DCAF6: variants seen among roughly 807,000 people sequenced by gnomAD.
DCAF6 encodes DDB1 and CUL4 associated factor 6.
DCAF6 carries 54 observed loss-of-function variants against 125.1 expected under a neutral mutation model. The observed-to-expected ratio is 0.43, with a 90% CI of 0.35 to 0.54. DCAF6 has a LOEUF of 0.54. Ranked by LOEUF, DCAF6 falls within the 20% of genes least tolerant of loss-of-function variation. The probability of loss-of-function intolerance (pLI) is 0.01; values close to 1 mark genes in which losing one functional copy is unlikely to be tolerated. For missense variants in DCAF6, 934 were observed against 1,161.7 expected (o/e 0.80, Z 2.85); for synonymous variants, 371 against 390.4 (o/e 0.95, Z 0.58).
chr1:168,016,287 A>G (rs143909616), intron 11 of DCAF6, among the ~76,000 whole-genome samples: 14 of 152,326 alleles, frequency 9.2e-5, no homozygotes, highest in African/African-American at 3.4e-4. Flanking sequence ...GAAAGTTTGC[A>G]TATGCTGAAA....
chr1:168,009,389 T>TTCTTTCTTTCTTTC (rs1553232855), intron 10 of DCAF6, among the ~76,000 whole-genome samples: 2 of 133,186 alleles, frequency 1.5e-5, no homozygotes, highest in Non-Finnish European at 3.2e-5. Flanking sequence ...CTTCCTTCCT[T>TTCTTTCTTTCTTTC]TCTTTCTTTC....
At chr1:168,029,792 AAC>A (rs1253895087) in intron 12 of DCAF6, among the ~76,000 whole-genome samples, 1 of 152,068 alleles carries the variant, frequency 6.6e-6, no homozygotes, top group Non-Finnish European at 1.5e-5. Context: ...CATCCTGGCT[AAC>A]ACAGTGAAAC....
intron 21 of DCAF6, among the ~76,000 whole-genome samples, chr1:168,069,707 C>T (rs1428831347): frequency 6.6e-6 from 1 of 151,808 alleles, no homozygotes; most frequent in East Asian, 1.9e-4. Context: ...TTAACTTTTA[C>T]CAGGAAAGAG....
intron 1 of DCAF6, among the ~76,000 whole-genome samples, chr1:167,949,396 A>G (rs1046321903): frequency 6.7e-4 from 102 of 152,320 alleles, no homozygotes; most frequent in African/African-American, 2.1e-3. Flanking sequence ...TTTGCACCCA[A>G]CACTGGAGTA....
intron 11 of DCAF6, among the ~76,000 whole-genome samples, chr1:168,017,992 C>T (rs538596433): frequency 2.0e-5 from 3 of 152,178 alleles, no homozygotes; most frequent in Admixed American, 1.3e-4. Context: ...ATTTGGAAAC[C>T]AAGAAATTTT....
chr1:168,003,378 A>G (rs1682906248), intron 8 of DCAF6, among the ~76,000 whole-genome samples: 1 of 152,202 alleles, frequency 6.6e-6, no homozygotes, highest in Non-Finnish European at 1.5e-5. Flanking sequence ...GTTAATTTCA[A>G]ATATCTGAAA....
At chr1:168,049,431 GTT>G (rs11369573) in intron 16 of DCAF6, among the ~76,000 whole-genome samples, 5 of 101,206 alleles carry the variant, frequency 4.9e-5, no homozygotes, top group African/African-American at 1.6e-4. Flanking sequence ...TGTTGTTGTT[GTT>G]TTTTTTTTTT....
In DCAF6 at chr1:168,044,565, G is replaced by A. The variant is rs1305469321; in HGVS notation, c.1844-20G>A. On this transcript the variant is annotated intron_variant, in intron 14 of 21. Transcript: ENST00000367840. The stretch of plus-strand genomic sequence containing the variant: ...CCCTCATGGATACCAAGGGATGACT[G>A]TAATTTGGTTTACTTACAGAAGCTC... The A allele has an allele frequency of 6.3e-7, 1 of 1,575,024 alleles. No homozygotes were observed. Among genetic ancestry groups the A allele is most frequent in the South Asian group, 1.1e-5 (1 of 89,620 alleles).
the DCAF6 span, among the ~76,000 whole-genome samples, chr1:167,881,808 C>G: frequency 6.6e-6 from 1 of 152,162 alleles, no homozygotes; most frequent in African/African-American, 2.4e-5. Flanking sequence ...CTGCAAGACA[C>G]GAAAGACTGT....
intron 17 of DCAF6, among the ~76,000 whole-genome samples, chr1:168,061,889 C>T (rs565726130): frequency 1.2e-4 from 18 of 152,174 alleles, no homozygotes; most frequent in African/African-American, 4.1e-4. Flanking sequence ...ATACTGAGGT[C>T]TAGCAGCTCC....
the DCAF6 span, among the ~76,000 whole-genome samples, chr1:167,875,944 C>T: frequency 4.6e-5 from 7 of 151,568 alleles, no homozygotes; most frequent in African/African-American, 1.5e-4. Context: ...CAGAGCCAGA[C>T]TCCATCTCAA....
chr1:168,033,693 C>T (rs1047340546), intron 12 of DCAF6, among the ~76,000 whole-genome samples: 1 of 152,108 alleles, frequency 6.6e-6, no homozygotes, highest in Non-Finnish European at 1.5e-5. Flanking sequence ...AAATGAAGTC[C>T]TTTACAGTCT....
chr1:167,953,876 GGT>G (rs764509208), intron 2 of DCAF6, among the ~76,000 whole-genome samples: 95 of 152,246 alleles, frequency 6.2e-4, no homozygotes, highest in Non-Finnish European at 1.2e-3. Context: ...TGGGATTGCA[GGT>G]GTAAGCCACT....
the DCAF6 span, among the ~76,000 whole-genome samples, chr1:167,919,823 T>A: frequency 2.6e-5 from 4 of 152,036 alleles, no homozygotes; most frequent in Admixed American, 2.6e-4. Flanking sequence ...CTACTTTAGA[T>A]ACTTCTTGTC....
chr1:167,983,656 A>G (rs1041173193), intron 4 of DCAF6, among the ~76,000 whole-genome samples: 18 of 152,192 alleles, frequency 1.2e-4, no homozygotes, highest in Non-Finnish European at 2.1e-4. Flanking sequence ...ACATTCTTAT[A>G]TATGTGCATA....
chr1:167,919,539 C>T, the DCAF6 span, among the ~76,000 whole-genome samples: 12 of 152,292 alleles, frequency 7.9e-5, no homozygotes, highest in Admixed American at 1.3e-4. Context: ...CCTCACTCTA[C>T]GTATCATTTC....
At chr1:167,982,699 G>A (rs2102951251) in intron 4 of DCAF6, among the ~76,000 whole-genome samples, 1 of 152,248 alleles carries the variant, frequency 6.6e-6, no homozygotes, top group African/African-American at 2.4e-5. Context: ...TTTTGTTGCA[G>A]TGGCTATTGA....
At chr1:167,942,554 T>C (rs1244447962) in intron 1 of DCAF6, among the ~76,000 whole-genome samples, 3 of 152,240 alleles carry the variant, frequency 2.0e-5, no homozygotes, top group African/African-American at 4.8e-5. Flanking sequence ...TATGTCTTTT[T>C]CTTAACAGGT....
At chr1:167,978,303 C>T (rs1435921864) in intron 4 of DCAF6, among the ~76,000 whole-genome samples, 4 of 152,110 alleles carry the variant, frequency 2.6e-5, no homozygotes, top group African/African-American at 9.7e-5. Flanking sequence ...AATAGTTTTC[C>T]AAAGTGTAGT....
Sources: allele counts gnomAD v4.1 joint callset (sites outside exome capture counted in the v4.1 genomes callset), GRCh38; gene constraint gnomAD v4.1.1; transcripts MANE v1.5; gene names NCBI Gene and HGNC (gene_info 2026-07-23, HGNC 2026-07-21).